C13orf42: variants seen among roughly 807,000 people sequenced by gnomAD.
C13orf42 encodes the protein uncharacterized protein C13orf42.
chr13:51,147,817 A>G (rs999270561), intron 1 of C13orf42, among the ~76,000 whole-genome samples: 1 of 152,144 alleles, frequency 6.6e-6, no homozygotes, highest in Admixed American at 6.6e-5. Flanking sequence ...GTTTAAAAAT[A>G]CCCATGCCTG....
At position 51,082,436 on chromosome 13, in the gene C13orf42, T is replaced by C. The variant is rs1197283795; in HGVS notation, c.*1715A>G. 1 of 152,256 alleles carries C rather than the reference T, an allele frequency of 6.6e-6. No homozygotes were observed. 9.4% of individuals were successfully genotyped at this position (152,256 alleles called of 1,614,324 possible). ...CATCCTCGCAGTCATGTTTATTTTT[T>C]CTTATCTTTAAAAACAAAATGTACA... On this transcript the variant is annotated 3_prime_UTR_variant, in exon 4 of 4. Transcript: ENST00000563710.
rs533227786 is a variant in C13orf42, at chr13:51,165,352, A to G, written n.136+6901T>C. Among the ~76,000 whole-genome samples, 8 of 152,266 alleles carry G rather than the reference A, an allele frequency of 5.3e-5. No homozygotes were observed. The South Asian group carries it at 1.7e-3, about 32-fold the overall frequency. ...TCTAGCTCCAGATACTGCATTATCTATTGTTAGTGTGTTTCAATTGTACTC... is the reference window on the plus strand; with the variant it reads ...TCTAGCTCCAGATACTGCATTATCTGTTGTTAGTGTGTTTCAATTGTACTC... On this transcript the variant is annotated intron_variant and non_coding_transcript_variant, in intron 1 of 4. Coordinates refer to the C13orf42 transcript ENST00000433280.
chr13:51,122,908 A>T (rs1301815911), intron 1 of C13orf42, among the ~76,000 whole-genome samples: 1 of 152,234 alleles, frequency 6.6e-6, no homozygotes, highest in African/African-American at 2.4e-5. Flanking sequence ...CTTCACCGTC[A>T]TCTAAAGTCA....
intron 1 of C13orf42, among the ~76,000 whole-genome samples, chr13:51,134,695 C>G (rs1362160125): frequency 1.3e-5 from 2 of 152,210 alleles, no homozygotes; most frequent in Admixed American, 6.5e-5. Flanking sequence ...ACATTCTCTA[C>G]CCCAGAGCAA....
chr13:51,118,729 T>A (rs918345079), intron 1 of C13orf42, among the ~76,000 whole-genome samples: 3 of 152,186 alleles, frequency 2.0e-5, no homozygotes, highest in African/African-American at 7.2e-5. Context: ...GTTTGTCTAC[T>A]ACTTGTATAT....
chr13:51,154,014 CCT>C (rs1305032448), intron 1 of C13orf42, among the ~76,000 whole-genome samples: 5 of 152,080 alleles, frequency 3.3e-5, no homozygotes, highest in African/African-American at 1.2e-4. Flanking sequence ...ACCCCCAGCC[CCT>C]GACAACCACC....
At chr13:51,095,534 T>C (rs1953224466) in intron 1 of C13orf42, among the ~76,000 whole-genome samples, 1 of 151,830 alleles carries the variant, frequency 6.6e-6, no homozygotes, top group African/African-American at 2.4e-5. Context: ...ATTTACTTAT[T>C]TGGTTTTTTT....
rs183946054 is a variant in C13orf42, at chr13:51,089,722, G to T, written c.415-1647C>A. ...CTGGTGCTTCTGCTCCATCACATTG[G>T]TCACCTCTCCACCTGCTTTCTGACT... is the stretch of plus-strand genomic sequence containing the variant. On this transcript the variant is annotated intron_variant, in intron 1 of 3. Transcript: ENST00000563710. 6.6e-3 allele frequency among the ~76,000 whole-genome samples: 996 copies of T among 151,800 alleles called. 8 individuals carry two copies. The highest frequency in any genetic ancestry group is 1.0e-2 in the Non-Finnish European group (678 of 67,896).
intron 1 of C13orf42, among the ~76,000 whole-genome samples, chr13:51,162,929 G>A (rs944400572): frequency 9.2e-5 from 14 of 152,346 alleles, no homozygotes; most frequent in South Asian, 2.1e-4. Flanking sequence ...CACTGCAGCT[G>A]CTTTGCACTT....
intron 2 of C13orf42, among the ~76,000 whole-genome samples, chr13:51,087,491 G>A (rs1440677944): frequency 2.6e-5 from 4 of 152,104 alleles, no homozygotes; most frequent in Non-Finnish European, 5.9e-5. Flanking sequence ...GTATATTCAC[G>A]TTGTTTTGCA....
intron 1 of C13orf42, among the ~76,000 whole-genome samples, chr13:51,159,149 A>G (rs1953844665): frequency 6.6e-6 from 1 of 152,050 alleles, no homozygotes; most frequent in Non-Finnish European, 1.5e-5. Flanking sequence ...ACCCCCACCA[A>G]TCATGTGCAT....
chr13:51,088,430 G>A (rs1448035906), intron 1 of C13orf42, among the ~76,000 whole-genome samples: 1 of 152,176 alleles, frequency 6.6e-6, no homozygotes, highest in African/African-American at 2.4e-5. Flanking sequence ...TTAAGTAGGT[G>A]GTGAGACGCT....
intron 1 of C13orf42, among the ~76,000 whole-genome samples, chr13:51,137,071 T>G (rs1298468475): frequency 6.6e-6 from 1 of 152,078 alleles, no homozygotes; most frequent in African/African-American, 2.4e-5. Context: ...CTGTGTGTGT[T>G]TGTGTGTTTG....
chr13:51,113,325 T>G (rs1016771503), upstream of C13orf42: 4 of 152,112 alleles, frequency 2.6e-5, no homozygotes, highest in Non-Finnish European at 4.4e-5. Context: ...ACCCAGCAGC[T>G]GACTGCTGTC....
chr13:51,086,327 CAAAAAA>C (rs11440988), intron 2 of C13orf42, among the ~76,000 whole-genome samples: 109 of 125,584 alleles, frequency 8.7e-4, no homozygotes, highest in Non-Finnish European at 8.2e-4. Context: ...CAAAAAAAAA[CAAAAAA>C]AAAAACAAGA....
Position 51,124,198 on chromosome 13 carries a change from A to G in C13orf42, n.137-10976T>C, listed in dbSNP as rs577541824. ...TATAAGAGAACAGCTTCGACTCCCT[A>G]CAATTTCATCCCCGGGCCAACCAAT... On this transcript the variant is annotated intron_variant and non_coding_transcript_variant, in intron 1 of 4. Coordinates refer to the C13orf42 transcript ENST00000433280. 4.6e-5 allele frequency among the ~76,000 whole-genome samples: 7 copies of G among 152,246 alleles called. No homozygotes were observed. The East Asian group carries it at 1.2e-3, about 25-fold the overall frequency.
chr13:51,086,326 A>AAC (rs1566121806), intron 2 of C13orf42, among the ~76,000 whole-genome samples: 2 of 145,052 alleles, frequency 1.4e-5, no homozygotes, highest in African/African-American at 5.0e-5. Flanking sequence ...ACAAAAAAAA[A>AAC]CAAAAAAAAA....
chr13:51,130,875 A>G (rs1953611429), intron 1 of C13orf42, among the ~76,000 whole-genome samples: 1 of 151,342 alleles, frequency 6.6e-6, no homozygotes, highest in Non-Finnish European at 1.5e-5. Context: ...ATATATATAT[A>G]TATATAAACA....
chr13:51,120,691 T>C (rs9568528), intron 1 of C13orf42, among the ~76,000 whole-genome samples: 61,644 of 151,956 alleles, frequency 0.41, 14,703 homozygotes, highest in African/African-American at 0.66. Flanking sequence ...TGCTGTGTGA[T>C]TTTGGGAAAG....
Sources: allele counts gnomAD v4.1 joint callset (sites outside exome capture counted in the v4.1 genomes callset), GRCh38; gene constraint gnomAD v4.1.1; transcripts MANE v1.5; gene names NCBI Gene and HGNC (gene_info 2026-07-23, HGNC 2026-07-21).